PRKCQ: variants seen among roughly 807,000 people sequenced by gnomAD.
PRKCQ encodes protein kinase C theta type.
A neutral mutation model predicts 91.2 loss-of-function variants in PRKCQ; 41 were observed. The observed-to-expected ratio is 0.45, with a 90% confidence interval of 0.35 to 0.58. The LOEUF (loss-of-function observed/expected upper bound fraction) is 0.58, where lower values mean the gene tolerates loss of function less well. Among genes scored for constraint, PRKCQ ranks in the 20% least tolerant of loss-of-function variants. The pLI, the probability that PRKCQ is intolerant of heterozygous loss-of-function variation, is 0.00. For synonymous variants in PRKCQ, 307 were observed against 316.9 expected (o/e 0.97, Z 0.33); for missense variants, 673 against 896.5 (o/e 0.75, Z 3.18).
intron 11 of PRKCQ, 72 bp from the exon 12 acceptor site, chr10:6,479,237 C>T: frequency 9.1e-6 from 14 of 1,545,722 alleles, no homozygotes; most frequent in Non-Finnish European, 1.2e-5. Flanking sequence ...AGACAGAGTC[C>T]TGAGAGACAC....
chr10:6,411,298 G>T, the PRKCQ span, among the ~76,000 whole-genome samples: 1 of 152,162 alleles, frequency 6.6e-6, no homozygotes, highest in African/African-American at 2.4e-5. Context: ...CACTTAGAAA[G>T]TTCCCTGGCA....
chr10:6,569,199 C>T (rs1388720154), intron 1 of PRKCQ, among the ~76,000 whole-genome samples: 1 of 152,018 alleles, frequency 6.6e-6, no homozygotes, highest in Admixed American at 6.6e-5. Context: ...AGAAGTGCAA[C>T]AAAAAGAGTA....
chr10:6,418,649 C>T, the PRKCQ span, among the ~76,000 whole-genome samples: 3 of 152,172 alleles, frequency 2.0e-5, no homozygotes, highest in Non-Finnish European at 4.4e-5. Flanking sequence ...GGAAGCCTGG[C>T]GACTGATCCA....
chr10:6,428,490 G>T (rs1833241085), intron 17 of PRKCQ, 128 bp from the exon 18 acceptor site: 5 of 962,830 alleles, frequency 5.2e-6, no homozygotes, highest in Non-Finnish European at 7.9e-6. Flanking sequence ...ACACTAAATG[G>T]AGGCAATGCC....
At position 6,428,145 on chromosome 10, in the gene PRKCQ, T is replaced by C. The variant is rs549006920; in HGVS notation, c.*62A>G. 1 of 1,593,108 alleles carries C rather than the reference T, an allele frequency of 6.3e-7. No homozygotes were observed. Among genetic ancestry groups the C allele is most frequent in the Non-Finnish European group, 8.6e-7 (1 of 1,164,722 alleles). ...CAAGTTGAAAAAGGAACCCAAGCAG[T>C]GTCTCTTGAACCAGTTCCCAGGGAG... On this transcript the variant is annotated 3_prime_UTR_variant, in exon 18 of 18. Transcript: ENST00000263125.
chr10:6,436,795 C>A (rs1833719274), intron 16 of PRKCQ, among the ~76,000 whole-genome samples: 1 of 130,820 alleles, frequency 7.6e-6, no homozygotes, highest in South Asian at 2.9e-4. Context: ...CTTTTCTCCT[C>A]CAACTGGAAG....
chr10:6,479,875 C>T (rs1028715020), intron 11 of PRKCQ, among the ~76,000 whole-genome samples: 21 of 151,102 alleles, frequency 1.4e-4, no homozygotes, highest in African/African-American at 4.9e-4. Context: ...TTGCTTGAAC[C>T]TGGGAGGCGG....
intron 1 of PRKCQ, among the ~76,000 whole-genome samples, chr10:6,551,143 C>T (rs1358373340): frequency 6.6e-6 from 1 of 152,048 alleles, no homozygotes; most frequent in Non-Finnish European, 1.5e-5. Context: ...TTCTGATCTT[C>T]TCTCTACTGT....
At position 6,486,017 on chromosome 10, in the gene PRKCQ, C is replaced by G. The variant is rs1195892032; in HGVS notation, c.900+18G>C. On this transcript the variant is annotated intron_variant, in intron 9 of 17. Transcript: ENST00000263125. ...TGAGCGGCCATGGCGGGAACGTGTC[C>G]ACGGCACATGCTCCTACCTGTTGAG... The G allele has an allele frequency of 6.2e-7, 1 of 1,605,458 alleles. No individual in the cohort carries two copies. The highest frequency in any genetic ancestry group is 1.7e-5 in the Admixed American group (1 of 59,944).
the PRKCQ span, among the ~76,000 whole-genome samples, chr10:6,408,313 A>G: frequency 6.6e-6 from 1 of 152,072 alleles, no homozygotes; most frequent in Non-Finnish European, 1.5e-5. Context: ...TAGACATTTG[A>G]CCAAACTCAG....
At chr10:6,416,704 C>CT in the PRKCQ span, among the ~76,000 whole-genome samples, 4 of 152,090 alleles carry the variant, frequency 2.6e-5, no homozygotes, top group African/African-American at 9.7e-5. Context: ...CATAGAAGGA[C>CT]TTTTTTTCCC....
intron 16 of PRKCQ, among the ~76,000 whole-genome samples, chr10:6,435,676 A>G (rs1833665222): frequency 6.6e-6 from 1 of 152,222 alleles, no homozygotes; most frequent in African/African-American, 2.4e-5. Flanking sequence ...CACCTAAAAT[A>G]CACTAACACT....
chr10:6,483,155 G>A (rs1423709396), intron 11 of PRKCQ, among the ~76,000 whole-genome samples: 2 of 152,146 alleles, frequency 1.3e-5, no homozygotes, highest in Non-Finnish European at 1.5e-5. Flanking sequence ...AAGTGGCTGA[G>A]GCACCTTCCT....
intron 12 of PRKCQ, among the ~76,000 whole-genome samples, chr10:6,468,359 A>G (rs1049395683): frequency 9.9e-5 from 15 of 152,246 alleles, no homozygotes; most frequent in Non-Finnish European, 1.5e-5. Context: ...AATAAAGAGA[A>G]TGGAAAAGTG....
intron 3 of PRKCQ, among the ~76,000 whole-genome samples, chr10:6,509,495 G>A (rs1470707942): frequency 6.6e-6 from 1 of 152,044 alleles, no homozygotes; most frequent in Admixed American, 6.6e-5. Context: ...TGCAACCTCC[G>A]CTTCCCAGGT....
intron 1 of PRKCQ, among the ~76,000 whole-genome samples, chr10:6,538,068 C>T (rs1045364789): frequency 1.3e-5 from 2 of 152,358 alleles, no homozygotes; most frequent in East Asian, 1.9e-4. Flanking sequence ...GCAGGGAAAG[C>T]GGGACCAAGG....
At chr10:6,448,975 G>T (rs1382268129) in intron 15 of PRKCQ, among the ~76,000 whole-genome samples, 1 of 151,998 alleles carries the variant, frequency 6.6e-6, no homozygotes, top group Non-Finnish European at 1.5e-5. Context: ...AAACCACAAA[G>T]ATGGGGAAAA....
chr10:6,438,594 ACT>A (rs1464250519), intron 16 of PRKCQ, among the ~76,000 whole-genome samples: 1 of 150,852 alleles, frequency 6.6e-6, no homozygotes, highest in East Asian at 1.9e-4. Context: ...GATGTGCTAG[ACT>A]CTTTTTTTTT....
intron 1 of PRKCQ, among the ~76,000 whole-genome samples, chr10:6,521,212 G>A (rs1838990227): frequency 6.6e-6 from 1 of 152,132 alleles, no homozygotes; most frequent in Non-Finnish European, 1.5e-5. Context: ...TGATCCCCCT[G>A]TCTGATATAT....
Sources: allele counts gnomAD v4.1 joint callset (sites outside exome capture counted in the v4.1 genomes callset), GRCh38; gene constraint gnomAD v4.1.1; transcripts MANE v1.5; gene names NCBI Gene and HGNC (gene_info 2026-07-23, HGNC 2026-07-21).